Variants in NKAIN3 observed in about 807,000 individuals in gnomAD.
The protein encoded by NKAIN3 is sodium/potassium-transporting ATPase subunit beta-1-interacting protein 3.
A neutral mutation model predicts 30.2 loss-of-function variants in NKAIN3; 25 were observed. The ratio of observed to expected loss-of-function variants is 0.83; its 90% CI spans 0.60 to 1.16. The LOEUF is 1.16. Ranked by LOEUF, NKAIN3 falls within the 50% of genes most tolerant of loss-of-function variation. NKAIN3 has a pLI of 0.00. For synonymous variants in NKAIN3, 91 were observed against 89.6 expected, an observed-to-expected ratio of 1.02 and a Z score of -0.09; for missense variants, 225 against 254.1, an observed-to-expected ratio of 0.89 and a Z score of 0.78.
At chr8:62,438,810 G>A (rs1381349434) in intron 1 of NKAIN3, among the ~76,000 whole-genome samples, 1 of 152,156 alleles carries the variant, frequency 6.6e-6, no homozygotes, top group Non-Finnish European at 1.5e-5. Flanking sequence ...TGATCTGCCT[G>A]TCTTGGCCTC....
intron 3 of NKAIN3, among the ~76,000 whole-genome samples, chr8:62,712,871 G>C (rs113108295): frequency 6.6e-6 from 1 of 152,178 alleles, no homozygotes; most frequent in African/African-American, 2.4e-5. Context: ...GGAATGGCCT[G>C]CTAGGGAACC....
intron 1 of NKAIN3, 50 bp downstream of exon 1, chr8:62,249,177 C>G (rs1177789174): frequency 6.9e-7 from 1 of 1,443,000 alleles, no homozygotes; most frequent in Admixed American, 2.2e-5. Flanking sequence ...GCTCCAGGAC[C>G]GGCCTCTGCG....
chr8:62,613,961 T>C (rs1811367539), intron 3 of NKAIN3, among the ~76,000 whole-genome samples: 1 of 152,186 alleles, frequency 6.6e-6, no homozygotes, highest in African/African-American at 2.4e-5. Context: ...TCAACACAGA[T>C]ATTTTAAATT....
At chr8:62,757,591 C>G (rs1032628639) in intron 4 of NKAIN3, among the ~76,000 whole-genome samples, 3 of 152,050 alleles carry the variant, frequency 2.0e-5, no homozygotes, top group African/African-American at 7.2e-5. Context: ...TTTCTCAGTG[C>G]CATGAGAACT....
chr8:62,628,036 A>G (rs545723494), intron 3 of NKAIN3, among the ~76,000 whole-genome samples: 2 of 152,244 alleles, frequency 1.3e-5, no homozygotes, highest in African/African-American at 2.4e-5. Flanking sequence ...CTGTCAAGGT[A>G]TCTTGCCATC....
At chr8:62,310,202 A>C (rs1432244183) in intron 1 of NKAIN3, among the ~76,000 whole-genome samples, 2 of 150,336 alleles carry the variant, frequency 1.3e-5, no homozygotes, top group Non-Finnish European at 2.9e-5. Flanking sequence ...TTGAAGTGAA[A>C]CTTCAGTTGA....
At chr8:62,615,428 G>T (rs1054466785) in intron 3 of NKAIN3, among the ~76,000 whole-genome samples, 1 of 152,148 alleles carries the variant, frequency 6.6e-6, no homozygotes, top group Non-Finnish European at 1.5e-5. Context: ...GAGCTGTGAA[G>T]TGTGGAGTTA....
intron 1 of NKAIN3, among the ~76,000 whole-genome samples, chr8:62,250,005 A>G (rs1812048401): frequency 6.6e-6 from 1 of 152,226 alleles, no homozygotes; most frequent in African/African-American, 2.4e-5. Context: ...AGAGATTAAT[A>G]GACATCTCCC....
chr8:62,321,291 G>A (rs1040263268), intron 1 of NKAIN3, among the ~76,000 whole-genome samples: 6 of 152,116 alleles, frequency 3.9e-5, no homozygotes, highest in African/African-American at 1.4e-4. Flanking sequence ...TCCTCCTTTA[G>A]CTCAGAGAAG....
chr8:62,912,133 T>C (rs1200188533), intron 4 of NKAIN3, among the ~76,000 whole-genome samples: 1 of 152,178 alleles, frequency 6.6e-6, no homozygotes, highest in African/African-American at 2.4e-5. Context: ...CTGAATACTA[T>C]AGGCAATTGT....
intron 1 of NKAIN3, among the ~76,000 whole-genome samples, chr8:62,324,191 A>G (rs1053530821): frequency 1.3e-5 from 2 of 152,106 alleles, no homozygotes; most frequent in Non-Finnish European, 2.9e-5. Context: ...ATAAGAGTGT[A>G]ATCTGAGGAT....
intron 4 of NKAIN3, among the ~76,000 whole-genome samples, chr8:62,752,527 C>T (rs1255363327): frequency 6.6e-6 from 1 of 152,134 alleles, no homozygotes; most frequent in East Asian, 1.9e-4. Context: ...AATCTTGTTT[C>T]CCAGAATTCT....
intron 3 of NKAIN3, among the ~76,000 whole-genome samples, chr8:62,660,659 G>T (rs940512115): frequency 6.6e-6 from 1 of 152,176 alleles, no homozygotes; most frequent in Non-Finnish European, 1.5e-5. Flanking sequence ...ACAAAGAAAA[G>T]AAATCAAGTC....
intron 1 of NKAIN3, among the ~76,000 whole-genome samples, chr8:62,514,110 G>A (rs1807908119): frequency 6.6e-6 from 1 of 151,982 alleles, no homozygotes; most frequent in Non-Finnish European, 1.5e-5. Context: ...TTGGACAGGT[G>A]CTTTCAGCAG....
At chr8:62,889,140 G>A (rs1162053189) in intron 4 of NKAIN3, among the ~76,000 whole-genome samples, 3 of 152,094 alleles carry the variant, frequency 2.0e-5, no homozygotes, top group Non-Finnish European at 2.9e-5. Context: ...AGTCTGAGGC[G>A]GGTGGATTAC....
In NKAIN3 at chr8:62,456,392, G is replaced by A. The variant is rs373580453; in HGVS notation, c.55-123147G>A. Among the ~76,000 whole-genome samples the A allele has an allele frequency of 7.2e-5, 11 of 152,140 alleles. No homozygotes were observed. The East Asian group carries it at 1.2e-3, about 16-fold the overall frequency. On this transcript the variant is annotated intron_variant, in intron 1 of 6. Transcript: ENST00000623646. The stretch of plus-strand genomic sequence containing the variant: ...AAATTAGCCAGGCGTGGTGGCGGGC[G>A]CCTGTAGTCCCAGCTACTTGGGAGG...
At chr8:62,312,753 G>A (rs931992903) in intron 1 of NKAIN3, among the ~76,000 whole-genome samples, 1 of 151,806 alleles carries the variant, frequency 6.6e-6, no homozygotes, top group African/African-American at 2.4e-5. Flanking sequence ...GGGAGATAGA[G>A]GCTCTAGTGA....
chr8:62,664,242 G>A (rs1813030091), intron 3 of NKAIN3, among the ~76,000 whole-genome samples: 1 of 151,432 alleles, frequency 6.6e-6, no homozygotes, highest in Non-Finnish European at 1.5e-5. Flanking sequence ...TGATTAAGAT[G>A]GAGCTATAAA....
At chr8:62,622,763 T>C (rs1811657287) in intron 3 of NKAIN3, among the ~76,000 whole-genome samples, 1 of 151,976 alleles carries the variant, frequency 6.6e-6, no homozygotes, top group Non-Finnish European at 1.5e-5. Flanking sequence ...ACAGAGAAAA[T>C]CTTTTTAATT....
Sources: allele counts gnomAD v4.1 joint callset (sites outside exome capture counted in the v4.1 genomes callset), GRCh38; gene constraint gnomAD v4.1.1; transcripts MANE v1.5; gene names NCBI Gene and HGNC (gene_info 2026-07-23, HGNC 2026-07-21).